Variants in TANGO6 observed in about 807,000 individuals in gnomAD.
TANGO6 encodes transport and golgi organization 6 homolog, also known as transport and Golgi organization protein 6 homolog.
TANGO6 carries 90 observed loss-of-function variants against 114.2 expected under a neutral mutation model. The ratio of observed to expected loss-of-function variants is 0.79; its 90% CI spans 0.66 to 0.94. The LOEUF is 0.94. Ranked by LOEUF, TANGO6 falls within the 40% of genes least tolerant of loss-of-function variation. TANGO6 has a pLI of 0.00. For missense variants in TANGO6, 1,274 were observed against 1,315.3 expected, an observed-to-expected ratio of 0.97 and a Z score of 0.49; for synonymous variants, 477 against 509.8, an observed-to-expected ratio of 0.94 and a Z score of 0.87.
intron 1 of TANGO6, among the ~76,000 whole-genome samples, chr16:68,855,633 C>T (rs1961976780): frequency 6.6e-6 from 1 of 151,554 alleles, no homozygotes; most frequent in East Asian, 1.9e-4. Context: ...GCCTGTAATC[C>T]CAGCACTTTG....
chr16:68,862,022 A>T (rs73562638), intron 2 of TANGO6, among the ~76,000 whole-genome samples: 46,126 of 150,810 alleles, frequency 0.31, 8,446 homozygotes, highest in African/African-American at 0.54. Context: ...ATTTTTTTTT[A>T]ATTTTTTTTT....
intron 10 of TANGO6, among the ~76,000 whole-genome samples, chr16:68,908,424 C>T (rs944571926): frequency 2.0e-5 from 3 of 152,144 alleles, no homozygotes; most frequent in African/African-American, 7.2e-5. Flanking sequence ...CCTGTAATCC[C>T]AGCACTTTGG....
chr16:68,848,370 T>C (rs1383153375), intron 1 of TANGO6, among the ~76,000 whole-genome samples: 2 of 152,076 alleles, frequency 1.3e-5, no homozygotes, highest in Non-Finnish European at 2.9e-5. Flanking sequence ...AAGAAGAAAA[T>C]TAAAATTACC....
intron 17 of TANGO6, among the ~76,000 whole-genome samples, chr16:69,081,055 G>A (rs1960457464): frequency 6.6e-6 from 1 of 152,104 alleles, no homozygotes; most frequent in Non-Finnish European, 1.5e-5. Flanking sequence ...GGAGAATGGT[G>A]TGAACCCAGG....
intron 16 of TANGO6, chr16:69,035,733 G>A (rs1024623100): frequency 4.6e-5 from 7 of 152,178 alleles, no homozygotes; most frequent in African/African-American, 1.7e-4. Context: ...TCCATAGTGT[G>A]GTTTACTCAG....
At chr16:68,967,180 C>T (rs964884468) in intron 14 of TANGO6, among the ~76,000 whole-genome samples, 2 of 152,142 alleles carry the variant, frequency 1.3e-5, no homozygotes, top group Admixed American at 6.5e-5. Context: ...GGACTGGTTT[C>T]ATGGAAGACA....
chr16:68,909,624 C>T (rs1475916046), intron 11 of TANGO6: 4 of 366,458 alleles, frequency 1.1e-5, no homozygotes, highest in Non-Finnish European at 1.9e-5. Flanking sequence ...AGGTGATTCT[C>T]ATGCAAGTAA....
intron 17 of TANGO6, among the ~76,000 whole-genome samples, chr16:69,059,001 A>G (rs1413145212): frequency 2.0e-5 from 3 of 148,324 alleles, no homozygotes; most frequent in East Asian, 3.9e-4. Flanking sequence ...TCTGCCTCCC[A>G]GGTCTAAGTG....
intron 15 of TANGO6, among the ~76,000 whole-genome samples, chr16:68,996,708 T>C (rs1489252267): frequency 6.6e-6 from 1 of 152,188 alleles, no homozygotes; most frequent in Non-Finnish European, 1.5e-5. Context: ...GTAACTGATT[T>C]AAGGAGGTCA....
chr16:68,876,308 T>C (rs1962358684), intron 5 of TANGO6, among the ~76,000 whole-genome samples: 1 of 151,968 alleles, frequency 6.6e-6, no homozygotes, highest in Non-Finnish European at 1.5e-5. Flanking sequence ...ATTACAGGCA[T>C]GCGCCACCAC....
chr16:68,980,409 C>CTCTCTCTATA (rs1408626276), intron 15 of TANGO6, among the ~76,000 whole-genome samples: 26 of 67,988 alleles, frequency 3.8e-4, no homozygotes, highest in East Asian at 8.1e-4. Context: ...CTCTCTCTCT[C>CTCTCTCTATA]TATATATATA....
At chr16:69,031,627 G>A (rs1959594839) in intron 16 of TANGO6, among the ~76,000 whole-genome samples, 3 of 151,778 alleles carry the variant, frequency 2.0e-5, no homozygotes, top group Admixed American at 1.3e-4. Flanking sequence ...GTTTGCTGTT[G>A]TCTCAGATGG....
intron 14 of TANGO6, among the ~76,000 whole-genome samples, chr16:68,967,769 G>A (rs1218801949): frequency 5.3e-5 from 8 of 152,160 alleles, no homozygotes; most frequent in African/African-American, 1.9e-4. Context: ...GAGAAATGAG[G>A]CAGGTTAGTT....
At chr16:69,063,805 C>CTTA (rs1263446156) in intron 17 of TANGO6, among the ~76,000 whole-genome samples, 2,903 of 118,066 alleles carry the variant, frequency 0.025, 37 homozygotes, top group Admixed American at 0.051. Flanking sequence ...TCTTCTTCTT[C>CTTA]TTCTTATTAT....
At chr16:68,980,898 C>T (rs915149873) in intron 15 of TANGO6, among the ~76,000 whole-genome samples, 7 of 151,568 alleles carry the variant, frequency 4.6e-5, no homozygotes, top group African/African-American at 7.3e-5. Flanking sequence ...GGGAAGCTGA[C>T]GCAGGAGAAT....
intron 14 of TANGO6, among the ~76,000 whole-genome samples, chr16:68,940,342 A>C (rs1963340537): frequency 6.6e-6 from 1 of 152,018 alleles, no homozygotes; most frequent in Admixed American, 6.6e-5. Flanking sequence ...TGAGCCACCA[A>C]GCCTAGTCCT....
chr16:68,999,381 G>A (rs994354529), intron 15 of TANGO6, among the ~76,000 whole-genome samples: 2 of 152,272 alleles, frequency 1.3e-5, no homozygotes, highest in South Asian at 2.1e-4. Context: ...TATGAGGTCA[G>A]TTTTCCTAAG....
intron 15 of TANGO6, among the ~76,000 whole-genome samples, chr16:69,010,966 C>G (rs1287673831): frequency 2.0e-5 from 3 of 152,124 alleles, no homozygotes; most frequent in Admixed American, 2.0e-4. Flanking sequence ...TCTGAATCAC[C>G]AGGATCCACG....
intron 15 of TANGO6, among the ~76,000 whole-genome samples, chr16:68,996,769 C>T (rs1168917087): frequency 6.6e-6 from 1 of 152,014 alleles, no homozygotes; most frequent in Non-Finnish European, 1.5e-5. Context: ...TTTTTCTCCC[C>T]AAAATATTTA....
Sources: allele counts gnomAD v4.1 joint callset (sites outside exome capture counted in the v4.1 genomes callset), GRCh38; gene constraint gnomAD v4.1.1; transcripts MANE v1.5; gene names NCBI Gene and HGNC (gene_info 2026-07-23, HGNC 2026-07-21).